Variants in MYO9A observed in about 807,000 individuals in gnomAD.
MYO9A encodes unconventional myosin-IXa.
In MYO9A, 103 loss-of-function variants were observed where a neutral mutation model predicts 293.3. The ratio of observed to expected loss-of-function variants is 0.35; its 90% CI spans 0.30 to 0.41. The LOEUF (loss-of-function observed/expected upper bound fraction) is 0.41, where lower values mean the gene tolerates loss of function less well. Among genes scored for constraint, MYO9A ranks in the 10% least tolerant of loss-of-function variants. MYO9A has a pLI of 1.00. For missense variants in MYO9A, 2,685 were observed against 3,033.0 expected, an observed-to-expected ratio of 0.89 and a Z score of 2.69; for synonymous variants, 1,001 against 1,035.7, an observed-to-expected ratio of 0.97 and a Z score of 0.64.
In MYO9A at chr15:71,823,019, T is replaced by C. The variant is rs2054332200; in HGVS notation, c.*3561A>G. The C allele has an allele frequency of 6.7e-6, 1 of 149,996 alleles. No homozygotes were observed. Among genetic ancestry groups the C allele is most frequent in the Non-Finnish European group, 1.5e-5 (1 of 67,394 alleles). The allele number at this position is 149,996 out of a possible 1,614,324, so 9.3% of individuals were successfully genotyped here. A position where few individuals can be genotyped will look rare whatever the true frequency, so the allele number is the denominator to read the frequency against. The stretch of plus-strand genomic sequence containing the variant: ...GGTATTGCAGGACAGTGCTGGGGAG[T>C]TGTCACAAGAGTATGGGTGGACATA... On this transcript the variant is annotated 3_prime_UTR_variant, in exon 42 of 42. Transcript: ENST00000356056.
At chr15:72,016,383 A>C (rs996724272) in intron 6 of MYO9A, among the ~76,000 whole-genome samples, 1 of 152,182 alleles carries the variant, frequency 6.6e-6, no homozygotes, top group Non-Finnish European at 1.5e-5. Flanking sequence ...GTGCTTATTT[A>C]ATAGGATAAC....
At chr15:71,861,932 A>T (rs1435189447) in intron 33 of MYO9A, among the ~76,000 whole-genome samples, 1 of 152,158 alleles carries the variant, frequency 6.6e-6, no homozygotes, top group Non-Finnish European at 1.5e-5. Flanking sequence ...GGAGTTCAAG[A>T]CCAGCCTGGC....
chr15:72,117,664 C>T lies in MYO9A; in HGVS notation c.-72+16G>A, dbSNP rs539093897. Reference sequence around the variant, plus strand: ...GGACGGGCTGCAGGGCCGCTGGGCGCTTGGGCGGGTCTTACCTCGGGCTCC... The same window carrying T: ...GGACGGGCTGCAGGGCCGCTGGGCGTTTGGGCGGGTCTTACCTCGGGCTCC... On this transcript the variant is annotated intron_variant, in intron 1 of 41. Transcript: ENST00000356056. The T allele has an allele frequency of 5.0e-6, 2 of 396,306 alleles. No individual in the cohort carries two copies. Among genetic ancestry groups the T allele is most frequent in the South Asian group, 2.8e-4 (2 of 7,052 alleles). The allele number at this position is 396,306 out of a possible 1,614,324, so 24.5% of individuals were successfully genotyped here.
intron 14 of MYO9A, among the ~76,000 whole-genome samples, chr15:71,953,873 TTTTTG>T (rs141349966): frequency 0.026 from 3,882 of 147,516 alleles, 100 homozygotes; most frequent in African/African-American, 0.063. Flanking sequence ...ATCAACTGTT[TTTTTG>T]TTTTGTTTTG....
intron 14 of MYO9A, among the ~76,000 whole-genome samples, chr15:71,957,913 C>T (rs1164921699): frequency 6.6e-6 from 1 of 152,130 alleles, no homozygotes; most frequent in Non-Finnish European, 1.5e-5. Context: ...TTATTAATAA[C>T]TCCAAAAGAA....
intron 1 of MYO9A, among the ~76,000 whole-genome samples, chr15:72,082,980 AT>A (rs533623135): frequency 6.6e-6 from 1 of 150,530 alleles, no homozygotes; most frequent in Non-Finnish European, 1.5e-5. Flanking sequence ...CTGGCCTGCA[AT>A]TTTTTTTGTT....
At position 72,006,221 on chromosome 15, in the gene MYO9A, A is replaced by C. The variant is rs548693729; in HGVS notation, c.1380+1605T>G. ...ACCAAGCAACTGGGACTACAGGTAC[A>C]CGTCACCACGCCCAGCTAATTTTTG... On this transcript the variant is annotated intron_variant, in intron 8 of 41. Coordinates refer to ENST00000356056, the MANE Select transcript of MYO9A (RefSeq NM_006901.4). Among the ~76,000 whole-genome samples, 3 of 152,000 alleles carry C rather than the reference A, an allele frequency of 2.0e-5. No individual in the cohort carries two copies. The South Asian group carries it at 6.2e-4, about 32-fold the overall frequency.
In MYO9A at chr15:71,829,968, T is replaced by C. The variant is rs796584882; in HGVS notation, c.7040+141A>G. 34 of 926,798 alleles carry C rather than the reference T, an allele frequency of 3.7e-5. No homozygotes were observed. In the African/African-American group the frequency reaches 5.7e-4, roughly 16 times the overall value. The allele number at this position is 926,798 out of a possible 1,614,324, so 57.4% of individuals were successfully genotyped here. A position where few individuals can be genotyped will look rare whatever the true frequency, so the allele number is the denominator to read the frequency against. Reference sequence around the variant, plus strand: ...TACCTGAGTATAGACAACACGTCTTTGTCATCTCAACATCTCCTGTATCAT... The same window carrying C: ...TACCTGAGTATAGACAACACGTCTTCGTCATCTCAACATCTCCTGTATCAT... On this transcript the variant is annotated intron_variant, in intron 40 of 41. Transcript: ENST00000356056.
At chr15:71,879,965 C>A in intron 29 of MYO9A, 128 bp from the exon 30 acceptor site, 1 of 662,640 alleles carries the variant, frequency 1.5e-6, no homozygotes, top group Non-Finnish European at 2.6e-6. Flanking sequence ...TATTATAGGA[C>A]TCAGGTGAAA....
intron 23 of MYO9A, among the ~76,000 whole-genome samples, chr15:71,900,262 G>A (rs962210687): frequency 6.6e-5 from 10 of 151,888 alleles, no homozygotes; most frequent in Middle Eastern, 3.4e-3. Flanking sequence ...GTGAAACCCC[G>A]TCTCTACTAA....
chr15:71,986,983 C>T (rs983002133), intron 11 of MYO9A, among the ~76,000 whole-genome samples: 16 of 152,192 alleles, frequency 1.1e-4, no homozygotes, highest in African/African-American at 3.9e-4. Flanking sequence ...GGGAGGTGCC[C>T]TATGTAACTG....
intron 39 of MYO9A, among the ~76,000 whole-genome samples, chr15:71,840,653 G>A (rs1316065935): frequency 6.6e-6 from 1 of 151,508 alleles, no homozygotes; most frequent in Non-Finnish European, 1.5e-5. Context: ...TTTTTGAGAC[G>A]GAGTCTTGCT....
intron 8 of MYO9A, among the ~76,000 whole-genome samples, chr15:72,002,494 G>A (rs532139762): frequency 3.4e-4 from 51 of 151,962 alleles, no homozygotes; most frequent in Non-Finnish European, 5.7e-4. Flanking sequence ...GTGGGCCATC[G>A]TGCCCAGCCT....
Position 71,828,063 on chromosome 15 carries a change from AG to A in MYO9A, c.7041-38del, listed in dbSNP as rs778582018. 16 of 1,583,642 alleles carry A rather than the reference AG, an allele frequency of 1.0e-5. No individual in the cohort carries two copies. In the East Asian group the frequency reaches 3.4e-4, roughly 33 times the overall value. ...AATCAAGAAACCATTAGCATTTGAT[AG>A]GAAGTGGAAGGAAGATAACAGAAAA... On this transcript the variant is annotated intron_variant, in intron 40 of 41. Coordinates refer to ENST00000356056, the MANE Select transcript of MYO9A (RefSeq NM_006901.4).
At chr15:72,045,645 C>A in intron 2 of MYO9A, 79 bp downstream of exon 2, 1 of 1,428,214 alleles carries the variant, frequency 7.0e-7, no homozygotes, top group Non-Finnish European at 9.3e-7. Context: ...ATTGCAGTAC[C>A]TCCAGGAATG....
At chr15:71,976,669 A>G (rs573117328) in intron 12 of MYO9A, among the ~76,000 whole-genome samples, 39 of 152,342 alleles carry the variant, frequency 2.6e-4, no homozygotes, top group Non-Finnish European at 4.7e-4. Context: ...ATGAGAGACA[A>G]TAATTATGTT....
At chr15:71,901,095 T>A in intron 23 of MYO9A, 96 bp downstream of exon 23, 1 of 1,330,662 alleles carries the variant, frequency 7.5e-7, no homozygotes, top group Non-Finnish European at 1.0e-6. Context: ...AAGTTCACAT[T>A]ATTACTGAAA....
chr15:71,951,895 T>C lies in MYO9A; in HGVS notation c.2184A>G (p.Gly728=). 1 of 1,568,894 alleles carries C rather than the reference T, an allele frequency of 6.4e-7. No homozygotes were observed. Among genetic ancestry groups the C allele is most frequent in the Non-Finnish European group, 8.6e-7 (1 of 1,166,394 alleles). Residue 728 remains glycine, a splice_region_variant and synonymous_variant, in exon 15 of 42, where the codon GGA becomes GGG. Transcript: ENST00000356056. ...TTGCACATGGCGCTGTATCATCATG[T>C]CCTTAGGAAGCAAAAAAAAACAAAC... ...AGKRNIHRKT[G]HDDTAPCAIL...
intron 34 of MYO9A, chr15:71,858,795 G>A (rs533076117): frequency 4.5e-4 from 68 of 151,102 alleles, no homozygotes; most frequent in African/African-American, 1.6e-3. Flanking sequence ...CATGGCACAT[G>A]TATACATATG....
Sources: allele counts gnomAD v4.1 joint callset (sites outside exome capture counted in the v4.1 genomes callset), GRCh38; gene constraint gnomAD v4.1.1; transcripts MANE v1.5; gene names NCBI Gene and HGNC (gene_info 2026-07-23, HGNC 2026-07-21).